NAALADL2: variants seen among roughly 807,000 people sequenced by gnomAD.
NAALADL2 encodes N-acetylated alpha-linked acidic dipeptidase like 2.
A neutral mutation model predicts 87.2 loss-of-function variants in NAALADL2; 76 were observed. The ratio of observed to expected loss-of-function variants is 0.87; its 90% CI spans 0.72 to 1.05. The LOEUF (loss-of-function observed/expected upper bound fraction) is 1.05. Among genes scored for constraint, NAALADL2 ranks in the 50% least tolerant of loss-of-function variants. The pLI is 0.00. For missense variants in NAALADL2, 1,089 were observed against 945.8 expected, an observed-to-expected ratio of 1.15 and a Z score of -1.99; for synonymous variants, 354 against 331.0, an observed-to-expected ratio of 1.07 and a Z score of -0.75.
At chr3:175,007,105 C>T (rs1336538870) in intron 1 of NAALADL2, among the ~76,000 whole-genome samples, 1 of 149,076 alleles carries the variant, frequency 6.7e-6, no homozygotes, top group Non-Finnish European at 1.5e-5. Flanking sequence ...ATGGTTCTTC[C>T]CTTTCCCAAG....
chr3:175,457,505 C>A (rs948657573), intron 6 of NAALADL2, among the ~76,000 whole-genome samples: 1 of 152,052 alleles, frequency 6.6e-6, no homozygotes, highest in Admixed American at 6.6e-5. Flanking sequence ...TATGATGATG[C>A]CAATGGTGAC....
rs546719491 is a variant in NAALADL2 at position 175,651,572 on chromosome 3, A to G, written c.1896+24186A>G. Among the ~76,000 whole-genome samples, 17 of 152,346 alleles carry G rather than the reference A, an allele frequency of 1.1e-4. No individual in the cohort carries two copies. In the South Asian group the frequency reaches 1.7e-3, roughly 15 times the overall value. On this transcript the variant is annotated intron_variant, in intron 11 of 13. Coordinates refer to ENST00000454872, the MANE Select transcript of NAALADL2 (RefSeq NM_207015.3). Reference sequence around the variant, plus strand: ...GTCACTTGAAATTTATAGGAACAACATAACAGAAGTAAGGATCCAGATATT... The same window carrying G: ...GTCACTTGAAATTTATAGGAACAACGTAACAGAAGTAAGGATCCAGATATT...
Position 175,310,028 on chromosome 3 carries a change from A to G in NAALADL2, c.940-14147A>G, listed in dbSNP as rs146006690. 2.8e-3 allele frequency among the ~76,000 whole-genome samples: 422 copies of G among 152,328 alleles called. 1 individual carries two copies. The highest frequency in any genetic ancestry group is 4.6e-3 in the Non-Finnish European group (316 of 68,026). The stretch of plus-strand genomic sequence containing the variant: ...CAGAAAAACAAGTAGACAAATTCAA[A>G]TGTACTACTAGTAGCTTATAATATC... On this transcript the variant is annotated intron_variant, in intron 4 of 13. Coordinates refer to ENST00000454872, the MANE Select transcript of NAALADL2 (RefSeq NM_207015.3).
At chr3:174,848,107 T>C (rs574622190) in intron 3 of NAALADL2, among the ~76,000 whole-genome samples, 9 of 152,230 alleles carry the variant, frequency 5.9e-5, no homozygotes, top group African/African-American at 2.2e-4. Context: ...CTCGCTGTGA[T>C]ATGCTATTTA....
intron 10 of NAALADL2, among the ~76,000 whole-genome samples, chr3:175,614,913 T>C (rs1284063253): frequency 1.3e-5 from 2 of 152,126 alleles, no homozygotes; most frequent in African/African-American, 4.8e-5. Context: ...ACAAATGAAA[T>C]GAATCATAAA....
At chr3:174,806,167 A>G (rs544704930) in intron 3 of NAALADL2, among the ~76,000 whole-genome samples, 3 of 152,290 alleles carry the variant, frequency 2.0e-5, no homozygotes, top group South Asian at 4.1e-4. Context: ...CCATTTTAAC[A>G]TGGAGTTTAG....
intron 11 of NAALADL2, among the ~76,000 whole-genome samples, chr3:175,685,503 C>T (rs998796277): frequency 2.1e-5 from 3 of 145,972 alleles, no homozygotes; most frequent in African/African-American, 7.6e-5. Context: ...CAGTTAAATA[C>T]ATAGAGACAG....
intron 10 of NAALADL2, among the ~76,000 whole-genome samples, chr3:175,604,223 A>G (rs1723354497): frequency 6.6e-6 from 1 of 150,704 alleles, no homozygotes; most frequent in Non-Finnish European, 1.5e-5. Flanking sequence ...TCATAGTTAT[A>G]TTTTTTCATA....
chr3:174,998,226 C>A (rs180858240), intron 1 of NAALADL2, among the ~76,000 whole-genome samples: 8 of 152,262 alleles, frequency 5.3e-5, no homozygotes, highest in Admixed American at 5.2e-4. Context: ...TACAAGGATA[C>A]CCTATTATAA....
At chr3:174,970,375 A>G (rs745425607) in intron 1 of NAALADL2, among the ~76,000 whole-genome samples, 3 of 152,210 alleles carry the variant, frequency 2.0e-5, no homozygotes, top group East Asian at 1.9e-4. Context: ...TCAGGGTTTC[A>G]TTAAATAAAA....
chr3:175,674,753 TA>T (rs1030872007), intron 11 of NAALADL2, among the ~76,000 whole-genome samples: 6 of 151,940 alleles, frequency 3.9e-5, no homozygotes, highest in Admixed American at 2.0e-4. Flanking sequence ...TAAAATAAAG[TA>T]AAAAAAAGAC....
In NAALADL2 at chr3:175,603,737, T is replaced by C. The variant is rs1208178489; in HGVS notation, c.1801-23554T>C. ...TCATTTGTAGATGGATACTGGGTTG[T>C]TTTTATTAGCTACTGAGAATAACGC... On this transcript the variant is annotated intron_variant, in intron 10 of 13. Coordinates refer to ENST00000454872, the MANE Select transcript of NAALADL2 (RefSeq NM_207015.3). Among the ~76,000 whole-genome samples, 3 of 152,144 alleles carry C rather than the reference T, an allele frequency of 2.0e-5. No individual in the cohort carries two copies. The East Asian group carries it at 5.8e-4, about 29-fold the overall frequency.
intron 1 of NAALADL2, among the ~76,000 whole-genome samples, chr3:174,875,967 T>C (rs1728453788): frequency 6.6e-6 from 1 of 151,954 alleles, no homozygotes; most frequent in South Asian, 2.1e-4. Flanking sequence ...ACTTAAAAGA[T>C]AGATAAAAGT....
chr3:175,413,458 T>C (rs1713991245), intron 5 of NAALADL2, among the ~76,000 whole-genome samples: 1 of 150,526 alleles, frequency 6.6e-6, no homozygotes, highest in South Asian at 2.1e-4. Flanking sequence ...TAGGCCCAGC[T>C]ACTCGGGAGG....
chr3:175,452,664 C>T (rs973098878), intron 6 of NAALADL2, among the ~76,000 whole-genome samples: 1 of 152,132 alleles, frequency 6.6e-6, no homozygotes, highest in Non-Finnish European at 1.5e-5. Context: ...CAACTGTCTT[C>T]AAGCAGTCAG....
chr3:174,941,448 G>T (rs887967874), intron 1 of NAALADL2, among the ~76,000 whole-genome samples: 6 of 152,036 alleles, frequency 3.9e-5, no homozygotes, highest in Non-Finnish European at 8.8e-5. Flanking sequence ...TGTGCCGTAT[G>T]GTGATGAGAA....
chr3:175,461,357 G>A (rs558583662), intron 6 of NAALADL2, among the ~76,000 whole-genome samples: 1 of 152,192 alleles, frequency 6.6e-6, no homozygotes, highest in East Asian at 1.9e-4. Flanking sequence ...CCAGAGTGCT[G>A]ATTGGTGCAT....
At chr3:174,713,280 T>A (rs532062295) in intron 2 of NAALADL2, among the ~76,000 whole-genome samples, 1 of 152,318 alleles carries the variant, frequency 6.6e-6, no homozygotes, top group African/African-American at 2.4e-5. Flanking sequence ...GCATGTGTCT[T>A]TATAGCAGCA....
intron 13 of NAALADL2, among the ~76,000 whole-genome samples, chr3:175,772,833 A>G: frequency 6.6e-6 from 1 of 152,148 alleles, no homozygotes; most frequent in East Asian, 1.9e-4. Flanking sequence ...CTTCTGTGAC[A>G]TTTTAGTGTT....
Sources: allele counts gnomAD v4.1 joint callset (sites outside exome capture counted in the v4.1 genomes callset), GRCh38; gene constraint gnomAD v4.1.1; transcripts MANE v1.5; gene names NCBI Gene and HGNC (gene_info 2026-07-23, HGNC 2026-07-21).